The following XPOT variants were observed in gnomAD, a reference collection of about 807,000 sequenced individuals.
The protein encoded by XPOT is exportin-T.
A neutral mutation model predicts 128.2 loss-of-function variants in XPOT; 34 were observed. The ratio of observed to expected loss-of-function variants is 0.27; its 90% CI spans 0.20 to 0.35. XPOT has a LOEUF of 0.35. Among genes scored for constraint, XPOT ranks in the 10% least tolerant of loss-of-function variants. The probability of loss-of-function intolerance (pLI) is 1.00; values close to 1 mark genes in which losing one functional copy is unlikely to be tolerated. For synonymous variants in XPOT, 348 were observed against 394.3 expected (o/e 0.88, Z 1.39); for missense variants, 838 against 1,125.3 (o/e 0.74, Z 3.65).
intron 15 of XPOT, among the ~76,000 whole-genome samples, chr12:64,427,396 C>T (rs557488560): frequency 1.3e-5 from 2 of 152,258 alleles, no homozygotes; most frequent in African/African-American, 4.8e-5. Flanking sequence ...GCTGGTATTA[C>T]AGGCATGAGC....
intron 13 of XPOT, 25 bp from the exon 14 acceptor site, chr12:64,425,313 G>T (rs1052545011): frequency 3.7e-6 from 6 of 1,611,302 alleles, no homozygotes; most frequent in Non-Finnish European, 5.1e-6. Context: ...ATAAGAAGAG[G>T]TTTCCTAACT....
At chr12:64,439,433 C>A in intron 23 of XPOT, 118 bp downstream of exon 23, 1 of 900,884 alleles carries the variant, frequency 1.1e-6, no homozygotes, top group Non-Finnish European at 1.7e-6. Context: ...TTGTTGCCAG[C>A]ATCTCAAAAT....
At chr12:64,446,401 C>T (rs1159085398) in intron 24 of XPOT, among the ~76,000 whole-genome samples, 2 of 152,130 alleles carry the variant, frequency 1.3e-5, no homozygotes, top group Non-Finnish European at 2.9e-5. Flanking sequence ...TTCACTCCTC[C>T]CTTCACATCT....
rs372458496 is a variant in XPOT, at chr12:64,441,868, C to CT, written c.2805+2563dup. Among the ~76,000 whole-genome samples, 877 of 145,112 alleles carry CT rather than the reference C, an allele frequency of 6.0e-3. 9 individuals are homozygous for CT. Among genetic ancestry groups the CT allele is most frequent in the African/African-American group, 0.02 (782 of 39,710 alleles). On this transcript the variant is annotated intron_variant, in intron 23 of 24. Transcript: ENST00000332707. ...CATGCCTAGCTAATTTTTGTTTTTG[C>CT]TTTTTTTTTTAGTAGAGACCAGGCT...
intron 23 of XPOT, 40 bp from the exon 24 acceptor site, chr12:64,445,035 T>C (rs747440011): frequency 6.7e-7 from 1 of 1,497,326 alleles, no homozygotes; most frequent in Non-Finnish European, 9.1e-7. Context: ...TTAATACAAA[T>C]ACATTTGTTC....
rs978708975 is a variant in XPOT, at chr12:64,420,215, A to T, written c.635A>T (p.Tyr212Phe). ...CAGTGCCTTGAAGTAGTTGGGGCTTATGTCTCTTGGATAGACTTATCCCTT... is the reference window on the plus strand; with the variant it reads ...CAGTGCCTTGAAGTAGTTGGGGCTTTTGTCTCTTGGATAGACTTATCCCTT... ...TCQCLEVVGAYVSWIDLSLIA... is the reference protein window; with the variant it reads ...TCQCLEVVGAFVSWIDLSLIA... The change falls in exon 7 of 25, where the codon TAT becomes TTT. Residue 212 changes from tyrosine to phenylalanine, a missense_variant. Physicochemically the swap from Tyr to Phe is conservative, Grantham distance 22. Transcript: ENST00000332707. 6.2e-7 allele frequency: 1 copy of T among 1,609,408 alleles called. No homozygotes were observed. Among genetic ancestry groups the T allele is most frequent in the African/African-American group, 1.3e-5 (1 of 74,832 alleles).
intron 18 of XPOT, 101 bp from the exon 19 acceptor site, chr12:64,433,313 G>A (rs1052400134): frequency 4.5e-6 from 5 of 1,100,076 alleles, no homozygotes; most frequent in Admixed American, 2.6e-5. Context: ...ATGTACGCAT[G>A]CATCCTAAAT....
At position 64,421,332 on chromosome 12, in the gene XPOT, A is replaced by T. The variant is rs764237322; in HGVS notation, c.941A>T (p.Asp314Val). 1.9e-6 allele frequency: 3 copies of T among 1,614,066 alleles called. No individual in the cohort carries two copies. Among genetic ancestry groups the T allele is most frequent in the Non-Finnish European group, 2.5e-6 (3 of 1,179,956 alleles). Residue 314 changes from aspartate (D) to valine (V), a missense_variant, in exon 9 of 25, where the codon GAT becomes GTT. This residue lies in a region of XPOT where 761 missense variants were observed against 988.3 expected (regional missense o/e 0.77). Transcript: ENST00000332707. ...VSWSKLIKNG[D>V]IKNAQEALQA... ...TGGAGTAAATTAATTAAGAATGGGGATATTAAGAATGCTCAAGAGGCACTA... is the reference window on the plus strand; with the variant it reads ...TGGAGTAAATTAATTAAGAATGGGGTTATTAAGAATGCTCAAGAGGCACTA...
rs998218041 is a variant in XPOT at position 64,449,748 on chromosome 12, A to C, written c.*1617A>C. ...TAATAAAAAATGTTTTCAGAAATAG[A>C]TAAGTGAAAGCTGAGTGTTTCTTTG... On this transcript the variant is annotated 3_prime_UTR_variant, in exon 25 of 25. Coordinates refer to ENST00000332707, the MANE Select transcript of XPOT (RefSeq NM_007235.6). The C allele has an allele frequency of 1.3e-5, 2 of 152,276 alleles. No homozygotes were observed. The highest frequency in any genetic ancestry group is 3.8e-4 in the East Asian group (2 of 5,208). The allele number at this position is 152,276 out of a possible 1,614,324, so 9.4% of individuals were successfully genotyped here. A position where few individuals can be genotyped will look rare whatever the true frequency, so the allele number is the denominator to read the frequency against.
chr12:64,422,166 T>C (rs2040144551), intron 9 of XPOT, among the ~76,000 whole-genome samples: 2 of 152,218 alleles, frequency 1.3e-5, no homozygotes, highest in Admixed American at 6.5e-5. Flanking sequence ...TAGGTGGTGT[T>C]AGTCTCCATA....
chr12:64,439,306 A>G lies in XPOT; in HGVS notation c.2796A>G (p.Glu932=). 3.1e-6 allele frequency: 5 copies of G among 1,613,952 alleles called. No individual in the cohort carries two copies. The highest frequency in any genetic ancestry group is 4.2e-6 in the Non-Finnish European group (5 of 1,179,894). The change falls in exon 23 of 25, where the codon GAA becomes GAG. Residue 932 remains glutamate (E), a synonymous_variant. Coordinates refer to ENST00000332707, the MANE Select transcript of XPOT (RefSeq NM_007235.6). ...TGCCCTCCTTGCAAGTAGCTCCAGA[A>G]ATAATTCAGGTAAGAGCTATTTCTT... is the stretch of plus-strand genomic sequence containing the variant. ...EYLPSLQVAP[E]IIQEFCQALQ...
intron 22 of XPOT, among the ~76,000 whole-genome samples, chr12:64,438,055 CAAGAG>C: frequency 6.6e-6 from 1 of 152,134 alleles, no homozygotes; most frequent in South Asian, 2.1e-4. Context: ...AAGACAGTCT[CAAGAG>C]AGGAGATTGG....
Position 64,425,856 on chromosome 12 carries a change from A to G in XPOT, c.1614A>G (p.Ala538=). 3.7e-6 allele frequency: 6 copies of G among 1,614,212 alleles called. No homozygotes were observed. Among genetic ancestry groups the G allele is most frequent in the Non-Finnish European group, 5.1e-6 (6 of 1,180,034 alleles). The part of the protein sequence containing the change: ...LDHRGLRHSS[A]KVRSRTAYLF... Reference sequence around the variant, plus strand: ...ACAGAGGTCTGCGGCATTCCAGTGCAAAAGTTCGGAGCAGGACGGCTTACC... The same window carrying G: ...ACAGAGGTCTGCGGCATTCCAGTGCGAAAGTTCGGAGCAGGACGGCTTACC... Residue 538 remains alanine (A), a synonymous_variant, in exon 15 of 25, where the codon GCA becomes GCG. Coordinates refer to ENST00000332707, the MANE Select transcript of XPOT (RefSeq NM_007235.6).
At chr12:64,407,191 T>A (rs1439680507) in intron 1 of XPOT, among the ~76,000 whole-genome samples, 1 of 152,010 alleles carries the variant, frequency 6.6e-6, no homozygotes, top group African/African-American at 2.4e-5. Flanking sequence ...TCCTTGCCCT[T>A]TAAGATTGTG....
intron 16 of XPOT, among the ~76,000 whole-genome samples, chr12:64,429,102 T>C (rs1221375886): frequency 6.6e-6 from 1 of 152,242 alleles, no homozygotes; most frequent in East Asian, 1.9e-4. Context: ...GTTTCACAGA[T>C]GCAGATGTAC....
At chr12:64,432,125 A>G (rs1010806306) in intron 18 of XPOT, among the ~76,000 whole-genome samples, 1 of 152,234 alleles carries the variant, frequency 6.6e-6, no homozygotes, top group Non-Finnish European at 1.5e-5. Context: ...AATAAGCACC[A>G]TAATTCAGGT....
intron 1 of XPOT, among the ~76,000 whole-genome samples, chr12:64,407,125 T>A (rs2136007187): frequency 6.6e-6 from 1 of 152,212 alleles, no homozygotes; most frequent in Admixed American, 6.5e-5. Flanking sequence ...GTCTTTGAAA[T>A]CCAAAACCTA....
Position 64,409,964 on chromosome 12 carries a change from G to A in XPOT, c.-72G>A, listed in dbSNP as rs925165385. The A allele has an allele frequency of 1.6e-6, 2 of 1,289,748 alleles. No homozygotes were observed. The highest frequency in any genetic ancestry group is 1.5e-5 in the African/African-American group (1 of 67,884). The allele number at this position is 1,289,748 out of a possible 1,614,324, so 79.9% of individuals were successfully genotyped here. ...TTCAACTTTGTTTTTTGTGGCAGAT[G>A]TTTATAAATTCTTCTGTGGGATCAG... is the stretch of plus-strand genomic sequence containing the variant. On this transcript the variant is annotated splice_region_variant and 5_prime_UTR_variant, in exon 2 of 25. It removes an upstream start codon present in the reference 5' UTR. Coordinates refer to ENST00000332707, the MANE Select transcript of XPOT (RefSeq NM_007235.6).
intron 17 of XPOT, 44 bp downstream of exon 17, chr12:64,430,331 A>C: frequency 7.0e-7 from 1 of 1,424,310 alleles, no homozygotes; most frequent in Non-Finnish European, 9.4e-7. Flanking sequence ...ATGTATCTAC[A>C]CAGACAGAAC....
Sources: allele counts gnomAD v4.1 joint callset (sites outside exome capture counted in the v4.1 genomes callset), GRCh38; gene constraint gnomAD v4.1.1; regional missense constraint gnomAD v4.1.1; transcripts MANE v1.5; gene names NCBI Gene and HGNC (gene_info 2026-07-23, HGNC 2026-07-21).